Variants in MSN observed in about 807,000 individuals in gnomAD.
MSN encodes the protein moesin.
A neutral mutation model predicts 48.0 loss-of-function variants in MSN; 2 were observed. The ratio of observed to expected loss-of-function variants is 0.04; its 90% confidence interval spans 0.02 to 0.13. The LOEUF is 0.13. Ranked by LOEUF, MSN falls within the 10% of genes least tolerant of loss-of-function variation. MSN has a pLI of 1.00. For synonymous variants in MSN, 146 were observed against 166.9 expected (o/e 0.87, Z 0.97); for missense variants, 267 against 470.1 (o/e 0.57, Z 3.99).
At chrX:65,606,796 G>A (rs1268475889) in intron 1 of MSN, among the ~76,000 whole-genome samples, 1 of 112,490 alleles carries the variant, frequency 8.9e-6, no homozygotes, top group Admixed American at 9.4e-5. Flanking sequence ...TGTCCCATAT[G>A]CCTAACACAG....
chrX:65,590,150 G>A (rs1366196651), intron 1 of MSN, among the ~76,000 whole-genome samples: 1 of 111,029 alleles, frequency 9.0e-6, no homozygotes, highest in Non-Finnish European at 1.9e-5. Context: ...TGAGCTCTTT[G>A]GCTACCTGCT....
intron 7 of MSN, among the ~76,000 whole-genome samples, chrX:65,733,676 CCTCTCT>C (rs749354823): frequency 3.6e-5 from 4 of 110,069 alleles, no homozygotes; most frequent in Admixed American, 2.9e-4. Context: ...TTCCTTCCTT[CCTCTCT>C]CTCTCTCTCT....
At position 65,669,756 on chromosome X, in the gene MSN, A is replaced by G. The variant is rs372720229; in HGVS notation, c.12+1903A>G. On this transcript the variant is annotated intron_variant, in intron 1 of 12. Transcript: ENST00000360270. ...GTCAACTTTTAGGAAAAGCAACTAT[A>G]TTATGTCTGTTAAGATCATAGAATC... 2.3e-4 allele frequency among the ~76,000 whole-genome samples: 25 copies of G among 110,687 alleles called. 1 individual carries two copies. In the East Asian group the frequency reaches 2.8e-3, roughly 12 times the overall value.
intron 1 of MSN, among the ~76,000 whole-genome samples, chrX:65,591,254 C>T (rs1372853298): frequency 9.0e-6 from 1 of 111,658 alleles, no homozygotes; most frequent in Admixed American, 9.5e-5. Context: ...AGCTCTTAGG[C>T]ATGTGTATCT....
At chrX:65,628,883 G>C (rs1315782211) in intron 1 of MSN, among the ~76,000 whole-genome samples, 1 of 109,030 alleles carries the variant, frequency 9.2e-6, no homozygotes, top group Non-Finnish European at 1.9e-5. Flanking sequence ...TGGCCAACAT[G>C]GTGAAACCCT....
chrX:65,637,597 A>T (rs1449136681), intron 1 of MSN, among the ~76,000 whole-genome samples: 1 of 110,487 alleles, frequency 9.1e-6, no homozygotes, highest in Non-Finnish European at 1.9e-5. Context: ...TATGAGCTCC[A>T]CCTTAGAACC....
intron 1 of MSN, among the ~76,000 whole-genome samples, chrX:65,701,239 G>A (rs908761074): frequency 2.7e-5 from 3 of 111,848 alleles, no homozygotes; most frequent in African/African-American, 9.8e-5. Flanking sequence ...TGAACTGTCT[G>A]TTTTCTCCCA....
intron 2 of MSN, among the ~76,000 whole-genome samples, chrX:65,718,108 C>T (rs888073166): frequency 1.8e-5 from 2 of 110,640 alleles, no homozygotes; most frequent in African/African-American, 3.3e-5. Flanking sequence ...ATCCAGGACT[C>T]AGTGTATGCT....
intron 1 of MSN, among the ~76,000 whole-genome samples, chrX:65,709,667 T>C (rs1010279944): frequency 8.9e-6 from 1 of 112,941 alleles, no homozygotes; most frequent in African/African-American, 3.2e-5. Flanking sequence ...TTACGTACTT[T>C]GGGCCAGCAC....
At chrX:65,738,664 A>T in intron 11 of MSN, 47 bp downstream of exon 11, 4 of 1,088,839 alleles carry the variant, frequency 3.7e-6, no homozygotes, top group Non-Finnish European at 5.0e-6. Context: ...TGGGTGCCAT[A>T]TGCATAGGTA....
At chrX:65,729,756 T>G in intron 4 of MSN, 44 bp downstream of exon 4, 2 of 1,174,900 alleles carry the variant, frequency 1.7e-6, no homozygotes, top group Non-Finnish European at 2.3e-6. Flanking sequence ...CATAAGGGGC[T>G]GCAGCCCACA....
At chrX:65,656,638 T>G (rs1392432221) in intron 1 of MSN, among the ~76,000 whole-genome samples, 10 of 111,244 alleles carry the variant, frequency 9.0e-5, no homozygotes, top group Admixed American at 9.6e-5. Flanking sequence ...AAAAAGCAGC[T>G]GCTGACAAGA....
At chrX:65,739,644 C>G in intron 12 of MSN, 85 bp from the exon 13 acceptor site, 1 of 1,021,285 alleles carries the variant, frequency 9.8e-7, no homozygotes, top group African/African-American at 1.9e-5. Context: ...AAGAAGGAAA[C>G]AGAAGAGAAG....
At chrX:65,602,168 C>T (rs1260601844) in intron 1 of MSN, among the ~76,000 whole-genome samples, 1 of 112,443 alleles carries the variant, frequency 8.9e-6, no homozygotes, top group Non-Finnish European at 1.9e-5. Context: ...TTTTAACCAA[C>T]AGTGGATTTG....
chrX:65,662,682 T>C (rs748709749), upstream of MSN, among the ~76,000 whole-genome samples: 69 of 112,419 alleles, frequency 6.1e-4, no homozygotes, highest in African/African-American at 2.0e-3. Context: ...ACTATAAAAA[T>C]CACAGAATAA....
chrX:65,685,661 T>A lies in MSN; in HGVS notation c.12+17808T>A, dbSNP rs111681948. Among the ~76,000 whole-genome samples the A allele has an allele frequency of 7.1e-3, 796 of 111,936 alleles. 10 individuals carry two copies. The highest frequency in any genetic ancestry group is 0.025 in the African/African-American group (754 of 30,769). On this transcript the variant is annotated intron_variant, in intron 1 of 12. Coordinates refer to ENST00000360270, the MANE Select transcript of MSN (RefSeq NM_002444.3). ...CCCAGGTTGGAGTGCAGTGGTATGATCTTGGCTCACGGTAGCCTCCACCTT... is the reference window on the plus strand; with the variant it reads ...CCCAGGTTGGAGTGCAGTGGTATGAACTTGGCTCACGGTAGCCTCCACCTT...
chrX:65,669,840 A>C (rs2070913107), intron 1 of MSN, among the ~76,000 whole-genome samples: 1 of 110,750 alleles, frequency 9.0e-6, no homozygotes, highest in Non-Finnish European at 1.9e-5. Context: ...AAAAAAACTA[A>C]AACTAAAACA....
intron 1 of MSN, among the ~76,000 whole-genome samples, chrX:65,705,560 G>A (rs1305879089): frequency 5.3e-5 from 6 of 112,240 alleles, no homozygotes; most frequent in Non-Finnish European, 9.4e-5. Context: ...TGAACAAAAG[G>A]CCATGCAATT....
At chrX:65,688,130 C>T (rs2071134600) in intron 1 of MSN, among the ~76,000 whole-genome samples, 1 of 112,175 alleles carries the variant, frequency 8.9e-6, no homozygotes, top group Admixed American at 9.4e-5. Context: ...TGATAATTCT[C>T]TATATTTGTA....
Sources: gnomAD v4.1 joint callset for allele counts (sites outside exome capture counted in the v4.1 genomes callset) on GRCh38, gnomAD v4.1.1 for gene constraint, MANE v1.5 for transcripts, NCBI Gene and HGNC (gene_info 2026-07-23, HGNC 2026-07-21) for gene names.